Variants in NBEA observed in about 807,000 individuals in gnomAD.
NBEA encodes neurobeachin, also known as lysosomal-trafficking regulator 2.
Under a neutral mutation model 343.4 loss-of-function variants are expected in NBEA, and 44 were observed. The observed-to-expected ratio is 0.13, with a 90% CI of 0.10 to 0.16. The LOEUF is 0.16. Among genes scored for constraint, NBEA ranks in the 10% least tolerant of loss-of-function variants. NBEA has a pLI of 1.00. For missense variants in NBEA, 2,555 were observed against 3,631.3 expected (o/e 0.70, Z 7.62); for synonymous variants, 1,175 against 1,238.7 (o/e 0.95, Z 1.08).
chr13:35,435,304 C>T (rs1346075318), intron 39 of NBEA, among the ~76,000 whole-genome samples: 2 of 152,108 alleles, frequency 1.3e-5, no homozygotes, highest in East Asian at 1.9e-4. Flanking sequence ...TGAGCCACTG[C>T]GCTCGGCCTT....
intron 11 of NBEA, among the ~76,000 whole-genome samples, chr13:35,106,286 A>C (rs2065913446): frequency 1.3e-5 from 2 of 152,144 alleles, no homozygotes; most frequent in South Asian, 4.1e-4. Context: ...AAATGAAAAC[A>C]AATACCAAAA....
At chr13:35,009,899 A>C (rs1243600934) in intron 1 of NBEA, among the ~76,000 whole-genome samples, 1 of 152,122 alleles carries the variant, frequency 6.6e-6, no homozygotes, top group Non-Finnish European at 1.5e-5. Context: ...TAGACATTTG[A>C]ATGTGGGGGC....
chr13:35,600,117 G>A (rs1342279535), intron 47 of NBEA, among the ~76,000 whole-genome samples: 2 of 152,176 alleles, frequency 1.3e-5, no homozygotes, highest in Non-Finnish European at 2.9e-5. Flanking sequence ...AAAAAAAGAA[G>A]AGGCAGGTCC....
intron 39 of NBEA, among the ~76,000 whole-genome samples, chr13:35,434,903 T>G (rs1450007734): frequency 6.6e-6 from 1 of 152,176 alleles, no homozygotes; most frequent in African/African-American, 2.4e-5. Context: ...GTTGAAAAAC[T>G]TAATTCAAAA....
In NBEA at chr13:35,646,332, G is replaced by C. The variant is rs1479843973; in HGVS notation, c.7754G>C (p.Ser2585Thr). 6.2e-7 allele frequency: 1 copy of C among 1,613,338 alleles called. No homozygotes were observed. Among genetic ancestry groups the C allele is most frequent in the Non-Finnish European group, 8.5e-7 (1 of 1,179,470 alleles). ...QLLIEPHPPR[S>T]SAMHLCFLPQ... ...CTTATTGAGCCACATCCGCCTCGGA[G>C]CTCTGCCATGCACCTGGTAAGACAT... is the stretch of plus-strand genomic sequence containing the variant. Residue 2585 changes from serine to threonine, a missense_variant, in exon 51 of 59, where the codon AGC becomes ACC. Transcript: ENST00000379939.
At chr13:35,480,281 A>G (rs899524630) in intron 41 of NBEA, among the ~76,000 whole-genome samples, 2 of 152,088 alleles carry the variant, frequency 1.3e-5, no homozygotes, top group South Asian at 2.1e-4. Context: ...ATTCATAAAT[A>G]GTGTCATTAT....
At chr13:35,037,023 C>A (rs775325590) in intron 1 of NBEA, among the ~76,000 whole-genome samples, 13 of 152,132 alleles carry the variant, frequency 8.5e-5, no homozygotes, top group African/African-American at 2.9e-4. Flanking sequence ...CTTTTAAAGG[C>A]CAGTACCTCT....
At chr13:35,448,972 TAGCAATTAGCCAGGCC>T (rs1328135570) in intron 39 of NBEA, among the ~76,000 whole-genome samples, 1 of 152,128 alleles carries the variant, frequency 6.6e-6, no homozygotes, top group Non-Finnish European at 1.5e-5. Context: ...TAAGGGCAAG[TAGCAATTAGCCAGGCC>T]AAGGAGGAAA....
At chr13:35,662,878 T>A (rs1331659749) in intron 55 of NBEA, among the ~76,000 whole-genome samples, 1 of 152,204 alleles carries the variant, frequency 6.6e-6, no homozygotes, top group Non-Finnish European at 1.5e-5. Context: ...GAATTAAGTG[T>A]ATAATTTCAG....
intron 35 of NBEA, among the ~76,000 whole-genome samples, chr13:35,290,719 CAT>C (rs1231759399): frequency 6.6e-6 from 1 of 150,784 alleles, no homozygotes; most frequent in East Asian, 1.9e-4. Flanking sequence ...TGTTTCCTAT[CAT>C]ATATATGTAT....
intron 55 of NBEA, 151 bp downstream of exon 55, chr13:35,655,900 T>G (rs1047362678): frequency 3.1e-6 from 2 of 651,074 alleles, no homozygotes; most frequent in Non-Finnish European, 5.2e-6. Context: ...AACGTAGCTA[T>G]GTTCAAAGTG....
intron 48 of NBEA, among the ~76,000 whole-genome samples, chr13:35,621,942 T>C (rs901963960): frequency 6.6e-6 from 1 of 152,216 alleles, no homozygotes; most frequent in African/African-American, 2.4e-5. Flanking sequence ...ATCCCATTCA[T>C]TTGTACAGTA....
intron 1 of NBEA, among the ~76,000 whole-genome samples, chr13:35,032,398 C>T (rs1797487808): frequency 6.6e-6 from 1 of 151,662 alleles, no homozygotes; most frequent in South Asian, 2.1e-4. Flanking sequence ...CTCTAATGAT[C>T]AGTTTTATTG....
chr13:35,352,663 T>C (rs898982595), intron 38 of NBEA, among the ~76,000 whole-genome samples: 4 of 152,116 alleles, frequency 2.6e-5, no homozygotes, highest in African/African-American at 7.2e-5. Flanking sequence ...AAGAATCTTT[T>C]AGAGTCAACT....
intron 41 of NBEA, among the ~76,000 whole-genome samples, chr13:35,473,835 G>T (rs543754875): frequency 6.6e-6 from 1 of 152,058 alleles, no homozygotes; most frequent in Non-Finnish European, 1.5e-5. Context: ...CATAATTTTC[G>T]AAGTTTCATT....
At chr13:35,292,854 T>A (rs570410945) in intron 35 of NBEA, among the ~76,000 whole-genome samples, 1 of 152,174 alleles carries the variant, frequency 6.6e-6, no homozygotes, top group Non-Finnish European at 1.5e-5. Context: ...AATATGCTTT[T>A]CTTTTTCCAA....
chr13:35,469,024 G>A (rs1246289886), intron 40 of NBEA, among the ~76,000 whole-genome samples: 1 of 150,796 alleles, frequency 6.6e-6, no homozygotes, highest in East Asian at 2.0e-4. Context: ...GCTTGAGCTC[G>A]GGGGGCAGAA....
At chr13:35,280,393 A>T (rs1282606301) in intron 34 of NBEA, among the ~76,000 whole-genome samples, 2 of 152,150 alleles carry the variant, frequency 1.3e-5, no homozygotes, top group Non-Finnish European at 2.9e-5. Flanking sequence ...ATTTATAATT[A>T]CTGATCCTAG....
chr13:35,497,868 T>C (rs576515843), intron 41 of NBEA, among the ~76,000 whole-genome samples: 1 of 152,166 alleles, frequency 6.6e-6, no homozygotes, highest in East Asian at 1.9e-4. Context: ...AAAAACCACT[T>C]GAATGGATTA....
Sources: gnomAD v4.1 joint callset for allele counts (sites outside exome capture counted in the v4.1 genomes callset) on GRCh38, gnomAD v4.1.1 for gene constraint, MANE v1.5 for transcripts, NCBI Gene and HGNC (gene_info 2026-07-23, HGNC 2026-07-21) for gene names.